SERINC5: variants seen among roughly 807,000 people sequenced by gnomAD.
The protein encoded by SERINC5 is serine incorporator 5.
A neutral mutation model predicts 63.1 loss-of-function variants in SERINC5; 41 were observed. The ratio of observed to expected loss-of-function variants is 0.65; its 90% CI spans 0.51 to 0.84. SERINC5 has a LOEUF of 0.84. Among genes scored for constraint, SERINC5 ranks in the 40% least tolerant of loss-of-function variants. The probability of loss-of-function intolerance (pLI) is 0.00; values close to 1 mark genes in which losing one functional copy is unlikely to be tolerated. For synonymous variants in SERINC5, 222 were observed against 215.2 expected (o/e 1.03, Z -0.28); for missense variants, 523 against 573.0 (o/e 0.91, Z 0.89).
intron 1 of SERINC5, among the ~76,000 whole-genome samples, chr5:80,240,452 C>T (rs1751896382): frequency 6.6e-6 from 1 of 152,154 alleles, no homozygotes; most frequent in African/African-American, 2.4e-5. Context: ...AGATGTGTCA[C>T]TGACAAAGTT....
chr5:80,175,819 G>A lies in SERINC5; in HGVS notation c.458-772C>T, dbSNP rs1449050441. Among the ~76,000 whole-genome samples, 4 of 140,392 alleles carry A rather than the reference G, an allele frequency of 2.8e-5. No individual in the cohort carries two copies. In the Admixed American group the frequency reaches 3.1e-4, roughly 11 times the overall value. 92.1% of individuals were successfully genotyped at this position (140,392 alleles called of 152,430 possible). ...GTGGAGGTCACAGTGAGCTGAGATT[G>A]CACCACTGCACTCCAGCCTGGGTGA... is the stretch of plus-strand genomic sequence containing the variant. On this transcript the variant is annotated intron_variant, in intron 4 of 11. Coordinates refer to ENST00000507668, the MANE Select transcript of SERINC5 (RefSeq NM_001174072.3).
chr5:80,175,873 AAAAAAAAAAAAAG>A (rs1342954945), intron 4 of SERINC5, among the ~76,000 whole-genome samples: 1 of 143,208 alleles, frequency 7.0e-6, no homozygotes, highest in Admixed American at 7.0e-5. Flanking sequence ...CAAAAAAAAA[AAAAAAAAAAAAAG>A]GACTGAGCTT....
In SERINC5 at chr5:80,158,947, C is replaced by T; in HGVS notation, c.875G>A (p.Gly292Glu). Reference protein sequence around the residue: ...KPAEVVLDEHGKNVTICVPDF... With the variant: ...KPAEVVLDEHEKNVTICVPDF... ...AGGCACACAGATTGTAACATTTTTCCCATGTTCATCTAGAACTTGAAAAGA... is the reference window on the plus strand; with the variant it reads ...AGGCACACAGATTGTAACATTTTTCTCATGTTCATCTAGAACTTGAAAAGA... Residue 292 changes from glycine to glutamate, a missense_variant, in exon 8 of 12, where the codon GGG (glycine) becomes GAG (glutamate). Gly to Glu is a moderately conservative substitution (Grantham distance 98). Coordinates refer to ENST00000507668, the MANE Select transcript of SERINC5 (RefSeq NM_001174072.3). The T allele has an allele frequency of 6.2e-7, 1 of 1,613,692 alleles. No individual in the cohort carries two copies. The highest frequency in any genetic ancestry group is 1.3e-5 in the African/African-American group (1 of 75,052).
At chr5:80,122,212 T>TATATATATATATATATAAAA (rs777568982) in intron 11 of SERINC5, among the ~76,000 whole-genome samples, 2 of 142,560 alleles carry the variant, frequency 1.4e-5, no homozygotes, top group Admixed American at 6.9e-5. Flanking sequence ...TATATATATA[T>TATATATATATATATATAAAA]AATATGAGTT....
At chr5:80,176,965 A>C (rs1275487096) in intron 4 of SERINC5, among the ~76,000 whole-genome samples, 1 of 152,206 alleles carries the variant, frequency 6.6e-6, no homozygotes, top group African/African-American at 2.4e-5. Flanking sequence ...AGACTGAAAG[A>C]TGCTTTTCCT....
intron 9 of SERINC5, among the ~76,000 whole-genome samples, chr5:80,147,954 G>A (rs781447805): frequency 1.3e-5 from 2 of 152,168 alleles, no homozygotes; most frequent in East Asian, 3.9e-4. Context: ...CTTAGTGACA[G>A]AGCTGGAACA....
At chr5:80,225,947 A>AT (rs1561439726) in intron 1 of SERINC5, among the ~76,000 whole-genome samples, 1 of 152,148 alleles carries the variant, frequency 6.6e-6, no homozygotes, top group Non-Finnish European at 1.5e-5. Flanking sequence ...AGCACTCATT[A>AT]TAAGTAATAG....
At chr5:80,217,978 T>C (rs897416764) in intron 1 of SERINC5, among the ~76,000 whole-genome samples, 1 of 152,188 alleles carries the variant, frequency 6.6e-6, no homozygotes, top group Non-Finnish European at 1.5e-5. Flanking sequence ...AGGAAGGAGC[T>C]AGTAACTCAT....
chr5:80,227,081 G>A (rs1252700574), intron 1 of SERINC5, among the ~76,000 whole-genome samples: 12 of 151,842 alleles, frequency 7.9e-5, no homozygotes, highest in African/African-American at 2.9e-4. Flanking sequence ...TTTTTTGTAG[G>A]GACAAGGTTT....
At chr5:80,136,619 T>C (rs1204028503), downstream of SERINC5, among the ~76,000 whole-genome samples, 1 of 152,084 alleles carries the variant, frequency 6.6e-6, no homozygotes, top group Non-Finnish European at 1.5e-5. Context: ...TACATCAAAC[T>C]GAAAAGCTTC....
chr5:80,146,524 G>C (rs1463544984), intron 10 of SERINC5, among the ~76,000 whole-genome samples: 6 of 152,038 alleles, frequency 3.9e-5, no homozygotes, highest in Non-Finnish European at 7.4e-5. Flanking sequence ...ATGATCTTGG[G>C]TCACTGCAAC....
chr5:80,138,312 T>C (rs1356056644), downstream of SERINC5, among the ~76,000 whole-genome samples: 1 of 151,764 alleles, frequency 6.6e-6, no homozygotes. Context: ...ATTCTGAGAG[T>C]AGGCCGGGCA....
Position 80,236,747 on chromosome 5 carries a change from G to A in SERINC5, c.27+19149C>T, listed in dbSNP as rs535316455. On this transcript the variant is annotated intron_variant, in intron 1 of 11. Transcript: ENST00000507668. ...TCACCATGTTGCCCAGGTTGGTCTC[G>A]AACTCCTGACCTCAGGTGATCCACC... Among the ~76,000 whole-genome samples, 374 of 152,052 alleles carry A rather than the reference G, an allele frequency of 2.5e-3. 3 individuals are homozygous for A. Among genetic ancestry groups the A allele is most frequent in the Non-Finnish European group, 4.6e-3 (310 of 67,932 alleles).
rs184286746 is a variant in SERINC5, at chr5:80,242,169, A to G, written c.27+13727T>C. Among the ~76,000 whole-genome samples the G allele has an allele frequency of 4.7e-3, 714 of 152,214 alleles. 7 individuals carry two copies. The highest frequency in any genetic ancestry group is 0.017 in the African/African-American group (690 of 41,540). On this transcript the variant is annotated intron_variant, in intron 1 of 11. Transcript: ENST00000507668. ...ACAAAAAAAGTGAAACAAAACAAAAAGGCAAAGATTGTCAGATTGGATTAA... is the reference window on the plus strand; with the variant it reads ...ACAAAAAAAGTGAAACAAAACAAAAGGGCAAAGATTGTCAGATTGGATTAA...
chr5:80,164,463 C>G (rs1409190526), intron 7 of SERINC5, among the ~76,000 whole-genome samples: 1 of 152,050 alleles, frequency 6.6e-6, no homozygotes, highest in African/African-American at 2.4e-5. Context: ...CTCACTGCAG[C>G]CTCAACCTCT....
chr5:80,161,263 G>A (rs1017289775), intron 7 of SERINC5, among the ~76,000 whole-genome samples: 12 of 151,922 alleles, frequency 7.9e-5, no homozygotes, highest in Non-Finnish European at 1.3e-4. Flanking sequence ...TTAGTTCTCT[G>A]AGAAATCTCC....
intron 1 of SERINC5, among the ~76,000 whole-genome samples, chr5:80,214,864 TC>T (rs1233343232): frequency 1.3e-5 from 2 of 152,156 alleles, no homozygotes; most frequent in Admixed American, 6.5e-5. Flanking sequence ...GCCATTGCAC[TC>T]CAGCCTGGGC....
chr5:80,156,149 A>G (rs185239336), intron 8 of SERINC5, among the ~76,000 whole-genome samples: 68 of 152,256 alleles, frequency 4.5e-4, no homozygotes, highest in African/African-American at 1.6e-3. Context: ...CTTTTAACTT[A>G]CATACTATCT....
intron 1 of SERINC5, among the ~76,000 whole-genome samples, chr5:80,240,430 G>T (rs994124046): frequency 6.6e-6 from 1 of 152,046 alleles, no homozygotes. Flanking sequence ...TTTTTATTCA[G>T]TTCCTTTTTT....
Sources: gnomAD v4.1 joint callset for allele counts (sites outside exome capture counted in the v4.1 genomes callset) on GRCh38, gnomAD v4.1.1 for gene constraint, MANE v1.5 for transcripts, NCBI Gene and HGNC (gene_info 2026-07-23, HGNC 2026-07-21) for gene names.